DNAJA3: variants seen among roughly 807,000 people sequenced by gnomAD.
DNAJA3 encodes dnaJ homolog subfamily A member 3, mitochondrial.
In DNAJA3, 29 loss-of-function variants were observed where a neutral mutation model predicts 54.9. The observed-to-expected ratio is 0.53, with a 90% CI of 0.39 to 0.72. The LOEUF (loss-of-function observed/expected upper bound fraction) is 0.72, where lower values mean the gene tolerates loss of function less well. DNAJA3 is among the 30% of genes least tolerant of loss of function. The pLI, the probability that DNAJA3 is intolerant of heterozygous loss-of-function variation, is 0.00. For synonymous variants in DNAJA3, 302 were observed against 251.4 expected, an observed-to-expected ratio of 1.20 and a Z score of -1.90; for missense variants, 708 against 639.4, an observed-to-expected ratio of 1.11 and a Z score of -1.16.
At position 4,455,860 on chromosome 16, in the gene DNAJA3, T is replaced by C. The variant is rs890846967; in HGVS notation, c.*328T>C. On this transcript the variant is annotated 3_prime_UTR_variant, in exon 12 of 12. Transcript: ENST00000262375. ...TAAAACTCTAATTTGGAATTGAATA[T>C]TGTGGATATCTTAGTTAAAGGCCAT... The C allele has an allele frequency of 1.9e-6, 1 of 533,480 alleles. No homozygotes were observed. The highest frequency in any genetic ancestry group is 3.4e-6 in the Non-Finnish European group (1 of 297,880). The allele number at this position is 533,480 out of a possible 1,614,324, so 33.0% of individuals were successfully genotyped here.
chr16:4,445,884 GT>G (rs1369557759), intron 7 of DNAJA3, among the ~76,000 whole-genome samples: 1 of 151,586 alleles, frequency 6.6e-6, no homozygotes, highest in Non-Finnish European at 1.5e-5. Context: ...TGGGTTGTGG[GT>G]ATGACATGCT....
chr16:4,429,514 C>T (rs1360952800), intron 1 of DNAJA3, among the ~76,000 whole-genome samples: 1 of 152,196 alleles, frequency 6.6e-6, no homozygotes, highest in Non-Finnish European at 1.5e-5. Context: ...AGTCACCGCG[C>T]CCGGCCTACA....
At chr16:4,434,240 C>A in intron 1 of DNAJA3, 144 bp from the exon 2 acceptor site, 1 of 864,918 alleles carries the variant, frequency 1.2e-6, no homozygotes, top group East Asian at 2.6e-5. Flanking sequence ...AACTAAAATT[C>A]TAGTTGAGAT....
chr16:4,426,223 GAC>G, intron 1 of DNAJA3, 131 bp downstream of exon 1: 2 of 1,054,258 alleles, frequency 1.9e-6, no homozygotes, highest in Non-Finnish European at 2.6e-6. Flanking sequence ...AATTGCCGGA[GAC>G]ACAGACAGGC....
At chr16:4,426,652 A>G (rs775760001) in intron 1 of DNAJA3, among the ~76,000 whole-genome samples, 10 of 152,248 alleles carry the variant, frequency 6.6e-5, no homozygotes, top group Non-Finnish European at 1.2e-4. Flanking sequence ...ACAGTTAACA[A>G]TCTTTTTAGA....
intron 1 of DNAJA3, among the ~76,000 whole-genome samples, chr16:4,432,405 C>T (rs556603679): frequency 2.0e-4 from 30 of 148,860 alleles, no homozygotes; most frequent in South Asian, 1.3e-3. Flanking sequence ...TGCAATGGCG[C>T]GATCTTGGCT....
intron 2 of DNAJA3, among the ~76,000 whole-genome samples, chr16:4,435,204 C>T (rs184532656): frequency 4.3e-4 from 66 of 152,092 alleles, no homozygotes; most frequent in Admixed American, 7.9e-4. Context: ...CTGGCCCTTT[C>T]TTAACCTGGA....
chr16:4,431,131 A>T (rs1183962435), intron 1 of DNAJA3: 1 of 152,176 alleles, frequency 6.6e-6, no homozygotes, highest in Non-Finnish European at 1.5e-5. Context: ...CTATCTCTGT[A>T]CTAACTCCTG....
Position 4,434,450 on chromosome 16 carries a change from A to G in DNAJA3, c.278A>G (p.Asp93Gly), listed in dbSNP as rs1319239064. 6.2e-7 allele frequency: 1 copy of G among 1,614,056 alleles called. No homozygotes were observed. The highest frequency in any genetic ancestry group is 8.5e-7 in the Non-Finnish European group (1 of 1,180,018). The change falls in exon 2 of 12, where the codon GAT becomes GGT. Residue 93 changes from aspartate to glycine, a missense_variant. Transcript: ENST00000262375. ...ACGAGTGCCCCTTTGGCCAAAGAAG[A>G]TTATTATCAGATATTAGGAGTGCCT... is the stretch of plus-strand genomic sequence containing the variant. ...FHTSAPLAKE[D>G]YYQILGVPRN...
chr16:4,438,012 A>G (rs1307301288), intron 3 of DNAJA3, among the ~76,000 whole-genome samples: 2 of 151,900 alleles, frequency 1.3e-5, no homozygotes, highest in African/African-American at 4.8e-5. Context: ...CTAACTTGGA[A>G]TCTCAATGAA....
intron 2 of DNAJA3, among the ~76,000 whole-genome samples, chr16:4,435,806 G>A (rs2056766293): frequency 6.6e-6 from 1 of 152,190 alleles, no homozygotes; most frequent in Non-Finnish European, 1.5e-5. Context: ...GTAAGTTTTT[G>A]TGTAGACATG....
At chr16:4,426,635 G>C (rs1210173177) in intron 1 of DNAJA3, among the ~76,000 whole-genome samples, 1 of 152,212 alleles carries the variant, frequency 6.6e-6, no homozygotes, top group Non-Finnish European at 1.5e-5. Flanking sequence ...GGTGCTAATT[G>C]AAGGGCACAG....
At chr16:4,443,927 CCA>C (rs1320001799) in intron 6 of DNAJA3, among the ~76,000 whole-genome samples, 1 of 152,204 alleles carries the variant, frequency 6.6e-6, no homozygotes, top group African/African-American at 2.4e-5. Flanking sequence ...ACCTCGTGAT[CCA>C]CCCGCCTCGG....
At chr16:4,429,679 A>G (rs1042689302) in intron 1 of DNAJA3, among the ~76,000 whole-genome samples, 5 of 152,180 alleles carry the variant, frequency 3.3e-5, no homozygotes, top group Non-Finnish European at 7.3e-5. Context: ...TACAAAAAAT[A>G]CAAAATTAGC....
intron 3 of DNAJA3, among the ~76,000 whole-genome samples, chr16:4,438,437 G>A (rs553782095): frequency 7.2e-5 from 11 of 152,228 alleles, no homozygotes; most frequent in African/African-American, 2.6e-4. Context: ...CTTATTCAAT[G>A]ACATCCCCTT....
At chr16:4,434,882 C>CTTTT (rs1384708654) in intron 2 of DNAJA3, among the ~76,000 whole-genome samples, 4 of 123,442 alleles carry the variant, frequency 3.2e-5, no homozygotes, top group Admixed American at 9.0e-5. Context: ...ACTTCCTTTC[C>CTTTT]TTTCTTTTTT....
intron 4 of DNAJA3, among the ~76,000 whole-genome samples, chr16:4,441,836 G>A (rs1283699926): frequency 6.6e-6 from 1 of 152,284 alleles, no homozygotes; most frequent in South Asian, 2.1e-4. Flanking sequence ...TGTGAGTGTT[G>A]TCTCTCATCT....
chr16:4,429,383 C>G (rs1365139676), intron 1 of DNAJA3, among the ~76,000 whole-genome samples: 5 of 152,052 alleles, frequency 3.3e-5, no homozygotes, highest in Non-Finnish European at 7.4e-5. Context: ...GCCACCACTC[C>G]CAGTTAATTT....
chr16:4,444,490 TGTGCCACCACGCCCA>T (rs1342344838), intron 6 of DNAJA3, among the ~76,000 whole-genome samples, 159 bp from the exon 7 acceptor site: 1 of 151,964 alleles, frequency 6.6e-6, no homozygotes. Flanking sequence ...ACTACAGGCG[TGTGCCACCACGCCCA>T]GTTAATTTTT....
Sources: gnomAD v4.1 joint callset for allele counts (sites outside exome capture counted in the v4.1 genomes callset) on GRCh38, gnomAD v4.1.1 for gene constraint, MANE v1.5 for transcripts, NCBI Gene and HGNC (gene_info 2026-07-23, HGNC 2026-07-21) for gene names.